EYS: variants seen among roughly 807,000 people sequenced by gnomAD.
EYS encodes protein eyes shut homolog.
A neutral mutation model predicts 282.1 loss-of-function variants in EYS; 250 were observed. That is an observed-to-expected ratio of 0.89 (90% CI 0.80 to 0.98). EYS has a LOEUF of 0.98. EYS is among the 50% of genes least tolerant of loss of function. The pLI is 0.00. For synonymous variants in EYS, 1,355 were observed against 1,282.9 expected, an observed-to-expected ratio of 1.06 and a Z score of -1.20; for missense variants, 4,016 against 3,709.0, an observed-to-expected ratio of 1.08 and a Z score of -2.15.
intron 12 of EYS, among the ~76,000 whole-genome samples, chr6:65,264,317 A>G (rs925630541): frequency 6.6e-6 from 1 of 152,250 alleles, no homozygotes; most frequent in Non-Finnish European, 1.5e-5. Flanking sequence ...TCTGTTAAAT[A>G]CCCAAGTTAT....
Position 65,423,899 on chromosome 6 carries a change from T to G in EYS, c.863-18532A>C, listed in dbSNP as rs189024843. 9.2e-5 allele frequency among the ~76,000 whole-genome samples: 14 copies of G among 152,178 alleles called. No individual in the cohort carries two copies. The East Asian group carries it at 2.7e-3, about 29-fold the overall frequency. On this transcript the variant is annotated intron_variant, in intron 5 of 42. Coordinates refer to ENST00000503581, the MANE Select transcript of EYS (RefSeq NM_001142800.2). ...TACTTTATCCCTGAGAGTGTTTATT[T>G]AATTATATTTGTTGAATAAATAAAT...
intron 35 of EYS, among the ~76,000 whole-genome samples, chr6:63,903,976 A>G (rs1051227634): frequency 5.9e-5 from 9 of 152,356 alleles, no homozygotes; most frequent in African/African-American, 2.2e-4. Flanking sequence ...CCTTTTCTAC[A>G]TATAGCCCTC....
intron 5 of EYS, among the ~76,000 whole-genome samples, chr6:65,421,885 G>T (rs1247196388): frequency 6.6e-6 from 1 of 151,836 alleles, no homozygotes; most frequent in Non-Finnish European, 1.5e-5. Flanking sequence ...CGATGCAGTT[G>T]GTGGTGTTCC....
intron 12 of EYS, among the ~76,000 whole-genome samples, chr6:65,265,212 A>G (rs1767720771): frequency 6.6e-6 from 1 of 152,036 alleles, no homozygotes; most frequent in Non-Finnish European, 1.5e-5. Flanking sequence ...ACCCTAGGTA[A>G]CAAACCTACA....
intron 36 of EYS, among the ~76,000 whole-genome samples, chr6:63,844,710 A>AT (rs888958022): frequency 6.7e-6 from 1 of 148,680 alleles, no homozygotes; most frequent in Non-Finnish European, 1.5e-5. Flanking sequence ...GGGGCTGTTT[A>AT]TTTTTTTCTT....
intron 22 of EYS, among the ~76,000 whole-genome samples, chr6:64,663,798 C>G (rs1473879526): frequency 6.6e-6 from 1 of 152,152 alleles, no homozygotes; most frequent in Non-Finnish European, 1.5e-5. Context: ...GCACTCTGAC[C>G]TGGGGTTCTT....
intron 22 of EYS, among the ~76,000 whole-genome samples, chr6:64,780,851 G>A (rs1326423679): frequency 6.6e-6 from 1 of 152,052 alleles, no homozygotes; most frequent in African/African-American, 2.4e-5. Flanking sequence ...TTTCACCAGT[G>A]TCTTGGAATT....
intron 5 of EYS, among the ~76,000 whole-genome samples, chr6:65,453,729 A>T (rs555079790): frequency 1.3e-5 from 2 of 151,928 alleles, no homozygotes; most frequent in African/African-American, 4.8e-5. Context: ...AGCTTCTAAG[A>T]TATCAACTTC....
intron 33 of EYS, among the ~76,000 whole-genome samples, chr6:64,017,626 C>A (rs1344893377): frequency 6.6e-6 from 1 of 152,162 alleles, no homozygotes; most frequent in Non-Finnish European, 1.5e-5. Context: ...TGGGACCAAA[C>A]AGGCCAGTGG....
At chr6:64,704,191 T>C (rs1361361911) in intron 22 of EYS, among the ~76,000 whole-genome samples, 2 of 151,420 alleles carry the variant, frequency 1.3e-5, no homozygotes, top group African/African-American at 2.4e-5. Context: ...TAATGGAACA[T>C]GTAAAAAATA....
At chr6:63,952,162 C>G (rs960333074) in intron 35 of EYS, among the ~76,000 whole-genome samples, 1 of 152,250 alleles carries the variant, frequency 6.6e-6, no homozygotes, top group Non-Finnish European at 1.5e-5. Flanking sequence ...GGACCTCCTC[C>G]ATCAGGATCT....
At chr6:65,106,697 C>G (rs1775047962) in intron 12 of EYS, among the ~76,000 whole-genome samples, 1 of 152,078 alleles carries the variant, frequency 6.6e-6, no homozygotes, top group South Asian at 2.1e-4. Context: ...ATAGCCACTT[C>G]AGACATTTTA....
At chr6:64,330,868 C>T (rs1429892937) in intron 29 of EYS, among the ~76,000 whole-genome samples, 1 of 152,152 alleles carries the variant, frequency 6.6e-6, no homozygotes, top group Admixed American at 6.6e-5. Context: ...ACACTGCTGC[C>T]AATACAGTGG....
At chr6:65,485,671 G>A (rs560279256) in intron 5 of EYS, among the ~76,000 whole-genome samples, 25 of 152,270 alleles carry the variant, frequency 1.6e-4, no homozygotes, top group African/African-American at 6.0e-4. Flanking sequence ...CGGCTGTGGT[G>A]GCATGCACCT....
At chr6:64,406,726 C>T (rs1773724727) in intron 28 of EYS, among the ~76,000 whole-genome samples, 1 of 152,116 alleles carries the variant, frequency 6.6e-6, no homozygotes, top group Admixed American at 6.6e-5. Flanking sequence ...CTGGTTATTA[C>T]AGAAATGCAA....
intron 13 of EYS, among the ~76,000 whole-genome samples, chr6:65,045,530 A>G (rs1399505485): frequency 6.6e-6 from 1 of 151,824 alleles, no homozygotes; most frequent in Non-Finnish European, 1.5e-5. Context: ...TCGAGTCCTT[A>G]TAAAAGAGAC....
At chr6:64,370,911 T>C (rs896934375) in intron 29 of EYS, among the ~76,000 whole-genome samples, 2 of 152,118 alleles carry the variant, frequency 1.3e-5, no homozygotes, top group African/African-American at 4.8e-5. Flanking sequence ...TCTTCTGTTT[T>C]TCTTCATTAG....
intron 22 of EYS, among the ~76,000 whole-genome samples, chr6:64,714,078 G>A (rs1449156072): frequency 6.6e-6 from 1 of 152,170 alleles, no homozygotes; most frequent in Non-Finnish European, 1.5e-5. Context: ...ATTTGAAGAA[G>A]TAAATTGTAG....
intron 26 of EYS, among the ~76,000 whole-genome samples, chr6:64,496,104 T>C (rs2150508811): frequency 6.6e-6 from 1 of 151,972 alleles, no homozygotes; most frequent in East Asian, 1.9e-4. Flanking sequence ...AATATGGGCT[T>C]TGAGGCTAGG....
Sources: allele counts gnomAD v4.1 joint callset (sites outside exome capture counted in the v4.1 genomes callset), GRCh38; gene constraint gnomAD v4.1.1; transcripts MANE v1.5; gene names NCBI Gene and HGNC (gene_info 2026-07-23, HGNC 2026-07-21).